Variants in NKAIN3 observed in about 807,000 individuals in gnomAD.
NKAIN3 encodes the protein sodium/potassium-transporting ATPase subunit beta-1-interacting protein 3.
Under a neutral mutation model 30.2 loss-of-function variants are expected in NKAIN3, and 25 were observed. That is an observed-to-expected ratio of 0.83 (90% confidence interval 0.60 to 1.16). The LOEUF (loss-of-function observed/expected upper bound fraction) is 1.16. Among genes scored for constraint, NKAIN3 ranks in the 50% most tolerant of loss-of-function variants. NKAIN3 has a pLI of 0.00. For synonymous variants in NKAIN3, 91 were observed against 89.6 expected (o/e 1.02, Z -0.09); for missense variants, 225 against 254.1 (o/e 0.89, Z 0.78).
intron 1 of NKAIN3, among the ~76,000 whole-genome samples, chr8:62,440,698 C>A (rs1159444071): frequency 1.6e-5 from 2 of 124,890 alleles, no homozygotes; most frequent in Non-Finnish European, 3.8e-5. Context: ...TCTTCTTCTT[C>A]TTTATTTTTT....
At chr8:62,860,199 G>C (rs1820197820) in intron 4 of NKAIN3, among the ~76,000 whole-genome samples, 1 of 152,198 alleles carries the variant, frequency 6.6e-6, no homozygotes, top group Non-Finnish European at 1.5e-5. Context: ...TGATAGGAAA[G>C]ATGTGGCTTA....
chr8:62,392,765 T>A (rs570537458), intron 1 of NKAIN3, among the ~76,000 whole-genome samples: 1 of 152,198 alleles, frequency 6.6e-6, no homozygotes, highest in African/African-American at 2.4e-5. Flanking sequence ...TTTCCATTTT[T>A]ATCATCATAA....
At chr8:62,714,864 G>T (rs2130502424) in intron 3 of NKAIN3, among the ~76,000 whole-genome samples, 1 of 152,262 alleles carries the variant, frequency 6.6e-6, no homozygotes, top group East Asian at 1.9e-4. Context: ...GAGAAACTCT[G>T]ACACAAAATG....
chr8:62,275,487 C>T (rs75011901), intron 1 of NKAIN3, among the ~76,000 whole-genome samples: 2,204 of 152,244 alleles, frequency 0.014, 48 homozygotes, highest in African/African-American at 0.048. Flanking sequence ...ACATTATGAG[C>T]CTATTAAGCT....
chr8:62,717,628 T>C (rs1814950350), intron 3 of NKAIN3, among the ~76,000 whole-genome samples: 1 of 152,170 alleles, frequency 6.6e-6, no homozygotes, highest in African/African-American at 2.4e-5. Context: ...ATGCACATAT[T>C]GAGATTCTTA....
At chr8:62,934,507 A>G (rs968991470) in intron 5 of NKAIN3, among the ~76,000 whole-genome samples, 3 of 152,092 alleles carry the variant, frequency 2.0e-5, no homozygotes, top group Non-Finnish European at 4.4e-5. Context: ...TGTTACAGAC[A>G]TCTTTATTAA....
intron 1 of NKAIN3, among the ~76,000 whole-genome samples, chr8:62,544,822 C>T (rs2129908508): frequency 6.6e-6 from 1 of 152,178 alleles, no homozygotes; most frequent in Middle Eastern, 3.4e-3. Context: ...TTACTAATAG[C>T]CTATTGTTGA....
At chr8:62,375,047 C>A (rs1817032146) in intron 1 of NKAIN3, among the ~76,000 whole-genome samples, 1 of 152,172 alleles carries the variant, frequency 6.6e-6, no homozygotes, top group Non-Finnish European at 1.5e-5. Flanking sequence ...ATTAAATAAT[C>A]CACACTACCT....
At chr8:62,392,364 TAGTGG>T (rs538344438) in intron 1 of NKAIN3, among the ~76,000 whole-genome samples, 22 of 152,208 alleles carry the variant, frequency 1.4e-4, no homozygotes, top group Middle Eastern at 3.4e-3. Context: ...GAGACTTTTG[TAGTGG>T]AGTGAAGCTC....
At chr8:62,542,404 G>C (rs1808871891) in intron 1 of NKAIN3, among the ~76,000 whole-genome samples, 1 of 152,082 alleles carries the variant, frequency 6.6e-6, no homozygotes, top group Non-Finnish European at 1.5e-5. Context: ...AAAACAACAT[G>C]ATATATGTGA....
chr8:62,837,795 T>A (rs1169384901), intron 4 of NKAIN3, among the ~76,000 whole-genome samples: 1 of 152,032 alleles, frequency 6.6e-6, no homozygotes, highest in African/African-American at 2.4e-5. Flanking sequence ...CAAAAACAAC[T>A]AGAATTTGCA....
At chr8:62,371,435 C>T (rs191503937) in intron 1 of NKAIN3, among the ~76,000 whole-genome samples, 1 of 151,952 alleles carries the variant, frequency 6.6e-6, no homozygotes, top group Admixed American at 6.6e-5. Context: ...ATTATTTCTT[C>T]CTCTGAGACA....
chr8:62,371,691 T>C (rs1816912885), intron 1 of NKAIN3, among the ~76,000 whole-genome samples: 1 of 152,004 alleles, frequency 6.6e-6, no homozygotes, highest in Non-Finnish European at 1.5e-5. Context: ...CCTCCATTTA[T>C]TTAATACACT....
chr8:62,811,814 AG>A (rs1818497583), intron 4 of NKAIN3, among the ~76,000 whole-genome samples: 2 of 151,976 alleles, frequency 1.3e-5, no homozygotes, highest in Non-Finnish European at 2.9e-5. Flanking sequence ...ATTTTCTCAA[AG>A]TCTGTTGCTT....
intron 4 of NKAIN3, among the ~76,000 whole-genome samples, chr8:62,812,552 T>C (rs1459253234): frequency 6.6e-6 from 1 of 151,852 alleles, no homozygotes; most frequent in Non-Finnish European, 1.5e-5. Context: ...CTGTATATGA[T>C]TCTGTGCATA....
At chr8:62,666,271 G>T (rs974545815) in intron 3 of NKAIN3, among the ~76,000 whole-genome samples, 4 of 152,136 alleles carry the variant, frequency 2.6e-5, no homozygotes, top group Non-Finnish European at 2.9e-5. Flanking sequence ...GCTTGTATAA[G>T]TTCTGTAACC....
At chr8:62,365,747 A>G (rs1816716101) in intron 1 of NKAIN3, among the ~76,000 whole-genome samples, 1 of 144,516 alleles carries the variant, frequency 6.9e-6, no homozygotes, top group Non-Finnish European at 1.5e-5. Flanking sequence ...TATTGCACTG[A>G]TACCAATCAG....
intron 1 of NKAIN3, among the ~76,000 whole-genome samples, chr8:62,370,689 C>G (rs1356274479): frequency 6.6e-6 from 1 of 151,918 alleles, no homozygotes; most frequent in East Asian, 1.9e-4. Context: ...ACAGCTAGCA[C>G]TACCTATTGT....
At chr8:62,753,682 T>C (rs565787929) in intron 4 of NKAIN3, among the ~76,000 whole-genome samples, 17 of 152,268 alleles carry the variant, frequency 1.1e-4, no homozygotes, top group African/African-American at 4.1e-4. Flanking sequence ...AGAATTGTAA[T>C]TCACTTATTG....
Sources: gnomAD v4.1 joint callset for allele counts (sites outside exome capture counted in the v4.1 genomes callset) on GRCh38, gnomAD v4.1.1 for gene constraint, MANE v1.5 for transcripts, NCBI Gene and HGNC (gene_info 2026-07-23, HGNC 2026-07-21) for gene names.